The following PLA2G4A variants were observed in gnomAD, a reference collection of about 807,000 sequenced individuals.
PLA2G4A encodes phospholipase A2 group IVA, also known as cytosolic phospholipase A2.
PLA2G4A carries 40 observed loss-of-function variants against 81.9 expected under a neutral mutation model. The ratio of observed to expected loss-of-function variants is 0.49; its 90% CI spans 0.38 to 0.64. The LOEUF (loss-of-function observed/expected upper bound fraction) is 0.64, where lower values mean the gene tolerates loss of function less well. PLA2G4A is among the 30% of genes least tolerant of loss of function. The pLI is 0.00. For missense variants in PLA2G4A, 715 were observed against 905.1 expected, an observed-to-expected ratio of 0.79 and a Z score of 2.69; for synonymous variants, 302 against 296.9, an observed-to-expected ratio of 1.02 and a Z score of -0.18.
At chr1:186,887,019 G>C (rs766948776) in intron 3 of PLA2G4A, among the ~76,000 whole-genome samples, 5 of 152,104 alleles carry the variant, frequency 3.3e-5, no homozygotes, top group East Asian at 1.9e-4. Flanking sequence ...AAGGTGCTAA[G>C]GTTCTGCATT....
chr1:186,837,707 A>C, intron 1 of PLA2G4A, among the ~76,000 whole-genome samples: 1 of 133,028 alleles, frequency 7.5e-6, no homozygotes, highest in East Asian at 2.5e-4. Flanking sequence ...ACTGCACTCC[A>C]GCCTGGGCGA....
intron 14 of PLA2G4A, among the ~76,000 whole-genome samples, chr1:186,957,816 A>G (rs1656808185): frequency 6.6e-6 from 1 of 152,208 alleles, no homozygotes; most frequent in African/African-American, 2.4e-5. Context: ...TCAATATACA[A>G]TAATTTTTTG....
chr1:186,915,083 G>T (rs1339554061), intron 7 of PLA2G4A, among the ~76,000 whole-genome samples: 2 of 152,102 alleles, frequency 1.3e-5, no homozygotes, highest in Non-Finnish European at 2.9e-5. Flanking sequence ...TCCTCCTAGT[G>T]CTGGGAACCA....
intron 2 of PLA2G4A, among the ~76,000 whole-genome samples, chr1:186,856,196 T>G (rs762886240): frequency 2.0e-5 from 3 of 151,998 alleles, no homozygotes; most frequent in Non-Finnish European, 2.9e-5. Context: ...TCCAATCCAT[T>G]AACAAACCAT....
intron 3 of PLA2G4A, among the ~76,000 whole-genome samples, chr1:186,892,364 T>C (rs1270749663): frequency 6.6e-6 from 1 of 152,234 alleles, no homozygotes; most frequent in Non-Finnish European, 1.5e-5. Flanking sequence ...CAAGAAATTT[T>C]TGCCCAGACT....
At chr1:186,917,441 C>G (rs1054675435) in intron 7 of PLA2G4A, among the ~76,000 whole-genome samples, 2 of 152,112 alleles carry the variant, frequency 1.3e-5, no homozygotes, top group African/African-American at 4.8e-5. Flanking sequence ...ATAGGAAGGG[C>G]CTGTATCCAC....
chr1:186,938,033 T>G (rs1656017948), intron 8 of PLA2G4A, among the ~76,000 whole-genome samples: 1 of 152,114 alleles, frequency 6.6e-6, no homozygotes. Flanking sequence ...AAACATGTGC[T>G]ATTTTCTCCT....
chr1:186,944,550 G>A (rs533715492), intron 10 of PLA2G4A, among the ~76,000 whole-genome samples: 5 of 152,168 alleles, frequency 3.3e-5, no homozygotes, highest in South Asian at 2.1e-4. Flanking sequence ...CACGTAAATC[G>A]TTGTAAATCA....
At chr1:186,866,865 T>A (rs1653052231) in intron 2 of PLA2G4A, among the ~76,000 whole-genome samples, 1 of 152,136 alleles carries the variant, frequency 6.6e-6, no homozygotes, top group Non-Finnish European at 1.5e-5. Flanking sequence ...ATTTTCTCAT[T>A]GTATTTCAGG....
At chr1:186,971,600 G>T (rs1031241650) in intron 15 of PLA2G4A, among the ~76,000 whole-genome samples, 7 of 151,856 alleles carry the variant, frequency 4.6e-5, no homozygotes, top group African/African-American at 1.7e-4. Context: ...CAAGTTCAAA[G>T]TAAACAAAAT....
chr1:186,906,152 T>G (rs1194329315), intron 5 of PLA2G4A, among the ~76,000 whole-genome samples: 1 of 152,204 alleles, frequency 6.6e-6, no homozygotes, highest in African/African-American at 2.4e-5. Flanking sequence ...TGTAGCAACT[T>G]TCAAAGCATT....
chr1:186,957,470 C>A (rs1189117784), intron 14 of PLA2G4A, among the ~76,000 whole-genome samples: 1 of 152,224 alleles, frequency 6.6e-6, no homozygotes, highest in Non-Finnish European at 1.5e-5. Context: ...AATGTAGCTT[C>A]TGTCTCATTT....
chr1:186,847,357 C>CGTGTGTGT lies in PLA2G4A; in HGVS notation c.-69-6906_-69-6899dup, dbSNP rs34724808. ...CTTTCTTTTGTGCTATTATTTCATA[C>CGTGTGTGT]GTGTGTGTGTGTGTGTGTGTGTGTG... On this transcript the variant is annotated intron_variant, in intron 1 of 17. Transcript: ENST00000367466. 6.8e-3 allele frequency among the ~76,000 whole-genome samples: 995 copies of CGTGTGTGT among 146,274 alleles called. 9 individuals carry two copies. The highest frequency in any genetic ancestry group is 0.023 in the African/African-American group (898 of 38,910).
At chr1:186,968,985 G>T (rs539746434) in intron 15 of PLA2G4A, among the ~76,000 whole-genome samples, 1 of 151,876 alleles carries the variant, frequency 6.6e-6, no homozygotes, top group Non-Finnish European at 1.5e-5. Flanking sequence ...TGAATGGTTT[G>T]TCATGCTTAT....
intron 1 of PLA2G4A, among the ~76,000 whole-genome samples, chr1:186,838,484 T>C (rs549525864): frequency 2.0e-5 from 3 of 152,310 alleles, no homozygotes; most frequent in South Asian, 4.1e-4. Context: ...TAGTCCAAAA[T>C]TGGCTGATTT....
intron 4 of PLA2G4A, among the ~76,000 whole-genome samples, 185 bp from the exon 5 acceptor site, chr1:186,893,913 T>A (rs12720531): frequency 0.018 from 1,967 of 106,728 alleles, 54 homozygotes; most frequent in African/African-American, 0.053. Flanking sequence ...AGTGAGACCC[T>A]GTCTCAAAAA....
intron 3 of PLA2G4A, among the ~76,000 whole-genome samples, chr1:186,874,718 G>T (rs1653406794): frequency 6.6e-6 from 1 of 151,950 alleles, no homozygotes; most frequent in Non-Finnish European, 1.5e-5. Flanking sequence ...AGTGTTTAAT[G>T]CTCACATTTA....
Position 186,978,258 on chromosome 1 carries a change from CT to C in PLA2G4A, c.1960+476del, listed in dbSNP as rs929719171. ...ACAAGAATCAAGTTTGAGGCATAGT[CT>C]TTTTTGTTTTGTTTTATTTTTTTAA... On this transcript the variant is annotated intron_variant, in intron 16 of 17. Transcript: ENST00000367466. 2.3e-4 allele frequency among the ~76,000 whole-genome samples: 35 copies of C among 152,134 alleles called. 1 individual carries two copies. Among genetic ancestry groups the C allele is most frequent in the African/African-American group, 8.4e-4 (35 of 41,522 alleles).
rs55745208 is a variant in PLA2G4A at position 186,830,608 on chromosome 1, C to CAAAAAAAAAAAAAAAAA, written c.-70+1581_-70+1597dup. 8.1e-4 allele frequency among the ~76,000 whole-genome samples: 59 copies of CAAAAAAAAAAAAAAAAA among 72,676 alleles called. 5 individuals are homozygous for CAAAAAAAAAAAAAAAAA. Among genetic ancestry groups the CAAAAAAAAAAAAAAAAA allele is most frequent in the African/African-American group, 3.1e-3 (57 of 18,586 alleles). The allele number at this position is 72,676 out of a possible 152,430, so 47.7% of individuals were successfully genotyped here. ...GAGCGAAAACAGCGAAGCTCTGTCT[C>CAAAAAAAAAAAAAAAAA]AAAAAAAAAAAAAAAAAAAAAAAAG... On this transcript the variant is annotated intron_variant, in intron 1 of 17. Coordinates refer to ENST00000367466, the MANE Select transcript of PLA2G4A (RefSeq NM_024420.3).
Sources: allele counts gnomAD v4.1 joint callset (sites outside exome capture counted in the v4.1 genomes callset), GRCh38; gene constraint gnomAD v4.1.1; transcripts MANE v1.5; gene names NCBI Gene and HGNC (gene_info 2026-07-23, HGNC 2026-07-21).